The following TCF7L1 variants were observed in gnomAD, a reference collection of about 807,000 sequenced individuals.
TCF7L1 encodes the protein transcription factor 7-like 1.
A neutral mutation model predicts 63.7 loss-of-function variants in TCF7L1; 18 were observed. The observed-to-expected ratio is 0.28, with a 90% confidence interval of 0.20 to 0.42. TCF7L1 has a LOEUF of 0.42. Ranked by LOEUF, TCF7L1 falls within the 10% of genes least tolerant of loss-of-function variation. The probability of loss-of-function intolerance (pLI) is 1.00; values close to 1 mark genes in which losing one functional copy is unlikely to be tolerated. For missense variants in TCF7L1, 654 were observed against 779.3 expected (o/e 0.84, Z 1.91); for synonymous variants, 355 against 340.9 (o/e 1.04, Z -0.46).
chr2:85,241,213 C>T (rs576821297), intron 3 of TCF7L1, among the ~76,000 whole-genome samples: 3 of 152,242 alleles, frequency 2.0e-5, no homozygotes, highest in African/African-American at 7.2e-5. Context: ...TGGAGCTCAG[C>T]AGTTTTTGCT....
intron 3 of TCF7L1, among the ~76,000 whole-genome samples, chr2:85,228,258 A>G (rs1459331231): frequency 6.6e-6 from 1 of 151,968 alleles, no homozygotes; most frequent in Non-Finnish European, 1.5e-5. Context: ...AGTCTCTACA[A>G]ATAATTTTAA....
intron 3 of TCF7L1, among the ~76,000 whole-genome samples, chr2:85,202,435 AAGTTTTTAATTTTGATGAAGTC>A (rs1207584577): frequency 6.6e-6 from 1 of 152,120 alleles, no homozygotes; most frequent in African/African-American, 2.4e-5. Context: ...TGAAGCACAA[AAGTTTTTAATTTTGATGAAGTC>A]TAATTTAGCT....
At chr2:85,227,527 G>A (rs1342202941) in intron 3 of TCF7L1, among the ~76,000 whole-genome samples, 1 of 151,886 alleles carries the variant, frequency 6.6e-6, no homozygotes, top group Non-Finnish European at 1.5e-5. Context: ...ATAACAAAAA[G>A]GGTGGGTGGG....
chr2:85,219,291 T>G (rs1679789091), intron 3 of TCF7L1, among the ~76,000 whole-genome samples: 1 of 152,210 alleles, frequency 6.6e-6, no homozygotes, highest in South Asian at 2.1e-4. Context: ...GCGAGGATGT[T>G]TGTTAATAAA....
intron 5 of TCF7L1, 57 bp downstream of exon 5, chr2:85,302,673 T>C (rs1356007669): frequency 6.3e-7 from 1 of 1,582,960 alleles, no homozygotes; most frequent in East Asian, 2.2e-5. Context: ...TTCTCTTTTG[T>C]GGGAACATAA....
intron 7 of TCF7L1, among the ~76,000 whole-genome samples, chr2:85,304,865 T>G (rs1682070646): frequency 6.6e-6 from 1 of 152,168 alleles, no homozygotes. Flanking sequence ...CCTGAAATGA[T>G]GTCAGGAGAG....
chr2:85,184,759 T>G (rs1016896048), intron 3 of TCF7L1, among the ~76,000 whole-genome samples: 8 of 152,186 alleles, frequency 5.3e-5, no homozygotes, highest in Non-Finnish European at 1.2e-4. Context: ...TCCCTGCCCT[T>G]GGTATAGGGG....
At position 85,298,907 on chromosome 2, in the gene TCF7L1, C is replaced by A. The variant is rs76293155; in HGVS notation, c.526-3577C>A. 2.5e-3 allele frequency among the ~76,000 whole-genome samples: 374 copies of A among 152,180 alleles called. 15 individuals are homozygous for A. In the East Asian group the frequency reaches 0.058, roughly 24 times the overall value. ...GGAGAACCTTCCTTCTAGGAGGCCA[C>A]TATCTACTTACCGCCTTCCCTCCCG... is the stretch of plus-strand genomic sequence containing the variant. On this transcript the variant is annotated intron_variant, in intron 4 of 11. Coordinates refer to ENST00000282111, the MANE Select transcript of TCF7L1 (RefSeq NM_031283.3).
chr2:85,279,033 C>T (rs1681351683), intron 3 of TCF7L1, among the ~76,000 whole-genome samples: 1 of 152,210 alleles, frequency 6.6e-6, no homozygotes, highest in South Asian at 2.1e-4. Context: ...TACACATCTT[C>T]GCTGTGGGCT....
At chr2:85,252,325 T>G (rs905884257) in intron 3 of TCF7L1, among the ~76,000 whole-genome samples, 9 of 152,194 alleles carry the variant, frequency 5.9e-5, no homozygotes, top group African/African-American at 1.9e-4. Flanking sequence ...GCAGCTGTAG[T>G]CCTGAGCATT....
chr2:85,160,124 A>G (rs1039380193), intron 3 of TCF7L1, among the ~76,000 whole-genome samples: 4 of 152,306 alleles, frequency 2.6e-5, no homozygotes, highest in African/African-American at 9.6e-5. Flanking sequence ...GTTTTAACAC[A>G]TGTACAGATT....
intron 3 of TCF7L1, among the ~76,000 whole-genome samples, chr2:85,241,540 G>A (rs1050381901): frequency 2.2e-5 from 3 of 139,498 alleles, no homozygotes; most frequent in Non-Finnish European, 3.1e-5. Context: ...TCTGCCTCCC[G>A]GGTTCAAGCG....
At chr2:85,194,239 T>C (rs2104268998) in intron 3 of TCF7L1, among the ~76,000 whole-genome samples, 1 of 152,074 alleles carries the variant, frequency 6.6e-6, no homozygotes, top group South Asian at 2.1e-4. Context: ...CAAGTTGGAA[T>C]TACAGAATTC....
rs1677545750 is a variant in TCF7L1, at chr2:85,134,583, C to G, written c.441+133C>G. 3.0e-6 allele frequency: 4 copies of G among 1,312,314 alleles called. No homozygotes were observed. The allele number at this position is 1,312,314 out of a possible 1,614,324, so 81.3% of individuals were successfully genotyped here. ...AGCAGAACTTGTTTGCGGAGTTGAA[C>G]TACTCTCTGGCGGCCGAGCGCGAGG... On this transcript the variant is annotated intron_variant, in intron 3 of 11. Coordinates refer to ENST00000282111, the MANE Select transcript of TCF7L1 (RefSeq NM_031283.3). The surrounding 1 kb of genome is among the most constrained non-coding windows in gnomAD (Gnocchi z 5.0).
At chr2:85,308,895 C>T in intron 11 of TCF7L1, 134 bp from the exon 12 acceptor site, 1 of 1,012,268 alleles carries the variant, frequency 9.9e-7, no homozygotes, top group Admixed American at 2.4e-5. Context: ...GTCTTGAAAG[C>T]CTTGGAAGTA....
intron 3 of TCF7L1, among the ~76,000 whole-genome samples, chr2:85,193,129 A>G (rs1004168519): frequency 6.6e-6 from 1 of 152,062 alleles, no homozygotes; most frequent in Admixed American, 6.6e-5. Context: ...GCTGTGCTTG[A>G]TATTTATGTA....
chr2:85,183,434 C>T (rs1678850037), intron 3 of TCF7L1, among the ~76,000 whole-genome samples: 1 of 152,150 alleles, frequency 6.6e-6, no homozygotes, highest in Non-Finnish European at 1.5e-5. Context: ...AGACAGTAGT[C>T]AGATCATCAT....
chr2:85,190,460 G>A (rs1422578630), intron 3 of TCF7L1, among the ~76,000 whole-genome samples: 3 of 152,184 alleles, frequency 2.0e-5, no homozygotes, highest in Non-Finnish European at 2.9e-5. Flanking sequence ...TGGTTTGCAG[G>A]AAAGGGCAGG....
rs577837888 is a variant in TCF7L1 at position 85,140,897 on chromosome 2, G to A, written c.441+6447G>A. Among the ~76,000 whole-genome samples, 8 of 94,930 alleles carry A rather than the reference G, an allele frequency of 8.4e-5. No homozygotes were observed. In the South Asian group the frequency reaches 2.4e-3, roughly 28 times the overall value. The allele number at this position is 94,930 out of a possible 152,430, so 62.3% of individuals were successfully genotyped here. A position where few individuals can be genotyped will look rare whatever the true frequency, so the allele number is the denominator to read the frequency against. ...AGAATCCAGCCTGGGCAATAAGAGC[G>A]AAAGAGAGAGAGAGACAGAAGAGAG... On this transcript the variant is annotated intron_variant, in intron 3 of 11. Transcript: ENST00000282111.
Sources: gnomAD v4.1 joint callset for allele counts (sites outside exome capture counted in the v4.1 genomes callset) on GRCh38, gnomAD v4.1.1 for gene constraint, Gnocchi (gnomAD v3.1) non-coding constraint, MANE v1.5 for transcripts, NCBI Gene and HGNC (gene_info 2026-07-23, HGNC 2026-07-21) for gene names.